Variants in CENPE observed in about 807,000 individuals in gnomAD.
CENPE encodes centromere protein E.
CENPE carries 145 observed loss-of-function variants against 336.1 expected under a neutral mutation model. The observed-to-expected ratio is 0.43, with a 90% CI of 0.38 to 0.50. The LOEUF is 0.50. CENPE is among the 20% of genes least tolerant of loss of function. The pLI, the probability that CENPE is intolerant of heterozygous loss-of-function variation, is 0.00. For synonymous variants in CENPE, 1,013 were observed against 984.8 expected (o/e 1.03, Z -0.54); for missense variants, 2,719 against 3,023.3 (o/e 0.90, Z 2.36).
At chr4:103,141,716 G>C in intron 35 of CENPE, 34 bp downstream of exon 35, 1 of 1,421,296 alleles carries the variant, frequency 7.0e-7, no homozygotes, top group Non-Finnish European at 9.7e-7. Context: ...AAACAAATTA[G>C]ATATCCAATC....
At chr4:103,157,759 T>C (rs974924697) in intron 24 of CENPE, among the ~76,000 whole-genome samples, 3 of 151,956 alleles carry the variant, frequency 2.0e-5, no homozygotes, top group South Asian at 4.1e-4. Context: ...TTAAAAAATA[T>C]ATACTACTAT....
At chr4:103,160,979 T>C (rs1754392758) in intron 20 of CENPE, 107 bp downstream of exon 20, 1 of 1,061,808 alleles carries the variant, frequency 9.4e-7, no homozygotes. Context: ...TTTTAAAAAG[T>C]CAGAGTATAA....
chr4:103,111,079 A>T, intron 46 of CENPE, 68 bp from the exon 47 acceptor site: 1 of 1,165,976 alleles, frequency 8.6e-7, no homozygotes, highest in Non-Finnish European at 1.2e-6. Flanking sequence ...TAAAGGAAAT[A>T]CTACCAAGTA....
rs776346652 is a variant in CENPE, at chr4:103,140,422, G to A, written c.5755-8C>T. 5 of 1,546,504 alleles carry A rather than the reference G, an allele frequency of 3.2e-6. No homozygotes were observed. Among genetic ancestry groups the A allele is most frequent in the East Asian group, 4.6e-5 (2 of 43,660 alleles). On this transcript the variant is annotated splice_region_variant and splice_polypyrimidine_tract_variant and intron_variant, in intron 36 of 48. Transcript: ENST00000265148. ...CTGTTGTATTTCCAGATCCTTTATG[G>A]TTAGAAGAAATCAAGAAATGTAATG... is the stretch of plus-strand genomic sequence containing the variant.
At chr4:103,154,261 A>G (rs1578621663) in intron 24 of CENPE, among the ~76,000 whole-genome samples, 1 of 151,872 alleles carries the variant, frequency 6.6e-6, no homozygotes, top group Non-Finnish European at 1.5e-5. Flanking sequence ...TGGTAAATTT[A>G]CTTCTGGAGT....
chr4:103,113,424 A>C (rs1380872178), intron 46 of CENPE, among the ~76,000 whole-genome samples: 1 of 142,130 alleles, frequency 7.0e-6, no homozygotes, highest in Non-Finnish European at 1.5e-5. Context: ...ATATATACTT[A>C]TATATTACTT....
At chr4:103,179,134 C>T (rs945539100) in intron 13 of CENPE, among the ~76,000 whole-genome samples, 7 of 152,186 alleles carry the variant, frequency 4.6e-5, no homozygotes, top group African/African-American at 1.7e-4. Context: ...ACACCTCCTT[C>T]TCCCTTTCTC....
chr4:103,127,197 T>TA (rs1312814395), intron 42 of CENPE, among the ~76,000 whole-genome samples: 6 of 129,570 alleles, frequency 4.6e-5, no homozygotes, highest in African/African-American at 8.7e-5. Flanking sequence ...AAATCAAAGG[T>TA]AAAAAAAAAT....
chr4:103,155,348 C>T (rs1753879540), intron 24 of CENPE, among the ~76,000 whole-genome samples: 3 of 151,998 alleles, frequency 2.0e-5, no homozygotes, highest in South Asian at 2.1e-4. Context: ...CTCACTCTGT[C>T]GCCCAAGCTG....
intron 9 of CENPE, among the ~76,000 whole-genome samples, chr4:103,185,408 T>A (rs1164028458): frequency 6.6e-6 from 1 of 152,056 alleles, no homozygotes; most frequent in Non-Finnish European, 1.5e-5. Flanking sequence ...AAATGGAGTC[T>A]TTTTGTCTAC....
Position 103,114,544 on chromosome 4 carries a change from G to A in CENPE, c.7451C>T (p.Ala2484Val), listed in dbSNP as rs766552470. The A allele has an allele frequency of 1.9e-6, 3 of 1,595,012 alleles. No individual in the cohort carries two copies. The highest frequency in any genetic ancestry group is 2.6e-6 in the Non-Finnish European group (3 of 1,165,962). The change falls in exon 46 of 49, where the codon GCT becomes GTT. Residue 2484 changes from alanine (A) to valine (V), a missense_variant. Around this residue, in one of 5 missense-constraint regions of CENPE, gnomAD observed 2,437 missense variants for 2,513.3 expected, o/e 0.97. Transcript: ENST00000265148. ...TTGATATTCTACAGTGGCTTTTGTA[G>A]CACTGATTCTAACAAAAACAATAAA... Reference protein sequence around the residue: ...NAKEFEKEISATKATVEYQKE... With the variant: ...NAKEFEKEISVTKATVEYQKE...
intron 37 of CENPE, 68 bp downstream of exon 37, chr4:103,140,188 T>TA (rs1250700587): frequency 6.7e-7 from 1 of 1,485,278 alleles, no homozygotes; most frequent in Non-Finnish European, 9.1e-7. Context: ...TCTGTATCTA[T>TA]ATCTTTTTAA....
intron 38 of CENPE, 24 bp downstream of exon 38, chr4:103,139,765 C>T (rs1054992405): frequency 1.3e-6 from 2 of 1,557,078 alleles, no homozygotes; most frequent in African/African-American, 1.4e-5. Context: ...ATAGTTACTA[C>T]ACAAAGGAAG....
At chr4:103,185,080 G>A (rs1020127660) in intron 9 of CENPE, among the ~76,000 whole-genome samples, 16 of 152,042 alleles carry the variant, frequency 1.1e-4, no homozygotes, top group Non-Finnish European at 2.4e-4. Context: ...CGAGGTGGGC[G>A]GGTCACTTGA....
intron 46 of CENPE, among the ~76,000 whole-genome samples, chr4:103,112,647 T>C (rs1175405978): frequency 2.2e-5 from 3 of 136,444 alleles, no homozygotes; most frequent in Admixed American, 7.8e-5. Flanking sequence ...AGTGGATATA[T>C]ACTTATAAGT....
chr4:103,115,809 C>A (rs972478171), intron 45 of CENPE, among the ~76,000 whole-genome samples: 4 of 150,678 alleles, frequency 2.7e-5, no homozygotes, highest in Admixed American at 6.6e-5. Context: ...CGGCTCACTG[C>A]AAGCTCCGCC....
chr4:103,178,803 T>G (rs1560666643), intron 13 of CENPE, among the ~76,000 whole-genome samples: 1 of 152,216 alleles, frequency 6.6e-6, no homozygotes, highest in Non-Finnish European at 1.5e-5. Context: ...TGGGCTGCTT[T>G]ATGGATTCTT....
At chr4:103,153,914 G>A (rs1215435088) in intron 24 of CENPE, among the ~76,000 whole-genome samples, 1 of 152,030 alleles carries the variant, frequency 6.6e-6, no homozygotes, top group African/African-American at 2.4e-5. Flanking sequence ...TATTTCATAA[G>A]GGTGAAATTC....
intron 13 of CENPE, among the ~76,000 whole-genome samples, chr4:103,179,414 T>C (rs989162859): frequency 1.5e-4 from 23 of 152,346 alleles, no homozygotes; most frequent in South Asian, 6.2e-4. Flanking sequence ...GAATGCATAA[T>C]GTTTCTTCAC....
Sources: gnomAD v4.1 joint callset for allele counts (sites outside exome capture counted in the v4.1 genomes callset) on GRCh38, gnomAD v4.1.1 for gene constraint, gnomAD v4.1.1 regional missense constraint, MANE v1.5 for transcripts, NCBI Gene and HGNC (gene_info 2026-07-23, HGNC 2026-07-21) for gene names.